The following CLYBL variants were observed in gnomAD, a reference collection of about 807,000 sequenced individuals.
CLYBL encodes the protein citramalyl-CoA lyase.
CLYBL carries 31 observed loss-of-function variants against 38.9 expected under a neutral mutation model. That is an observed-to-expected ratio of 0.80 (90% CI 0.60 to 1.08). The LOEUF (loss-of-function observed/expected upper bound fraction) is 1.08, where lower values mean the gene tolerates loss of function less well. CLYBL is among the 50% of genes least tolerant of loss of function. CLYBL has a pLI of 0.00. For missense variants in CLYBL, 434 were observed against 411.6 expected (o/e 1.05, Z -0.47); for synonymous variants, 171 against 158.6 (o/e 1.08, Z -0.59).
At chr13:99,684,438 G>A (rs1242214850) in intron 1 of CLYBL, among the ~76,000 whole-genome samples, 2 of 151,966 alleles carry the variant, frequency 1.3e-5, no homozygotes, top group Non-Finnish European at 2.9e-5. Flanking sequence ...AAAGTTATGT[G>A]GCGCATGACT....
chr13:99,809,142 C>T (rs2050289430), intron 2 of CLYBL, among the ~76,000 whole-genome samples: 3 of 152,176 alleles, frequency 2.0e-5, no homozygotes, highest in Non-Finnish European at 4.4e-5. Context: ...TCTATTTGGA[C>T]ATTTGCTAAA....
chr13:99,753,045 G>A (rs1202000608), intron 1 of CLYBL, among the ~76,000 whole-genome samples: 2 of 152,146 alleles, frequency 1.3e-5, no homozygotes, highest in African/African-American at 4.8e-5. Context: ...GGGCATGTAG[G>A]CTGAGCCTTG....
At chr13:99,690,390 T>C (rs2047882445) in intron 1 of CLYBL, 1 of 152,178 alleles carries the variant, frequency 6.6e-6, no homozygotes, top group Non-Finnish European at 1.5e-5. Flanking sequence ...GGTGTATGTT[T>C]TTCCTCTCTA....
downstream of CLYBL, chr13:99,894,293 C>T (rs769901458): frequency 1.3e-5 from 2 of 152,252 alleles, no homozygotes; most frequent in Non-Finnish European, 2.9e-5. Flanking sequence ...CTGGGCACCC[C>T]CGACACGGGG....
In CLYBL at chr13:99,872,462, G is replaced by A. The variant is rs539613305; in HGVS notation, c.927+1400G>A. 1.8e-3 allele frequency among the ~76,000 whole-genome samples: 272 copies of A among 152,196 alleles called. 1 individual carries two copies. The highest frequency in any genetic ancestry group is 1.6e-3 in the African/African-American group (68 of 41,524). ...CTATTCACCTAGAACGAAGAGCCAC[G>A]GACTCTCATTCACATGTCCATCCAT... On this transcript the variant is annotated intron_variant, in intron 7 of 8. Transcript: ENST00000339105.
chr13:99,770,400 C>G lies in CLYBL; in HGVS notation c.63-2424C>G, dbSNP rs572452580. Among the ~76,000 whole-genome samples, 203 of 152,344 alleles carry G rather than the reference C, an allele frequency of 1.3e-3. 1 individual carries two copies. Among genetic ancestry groups the G allele is most frequent in the African/African-American group, 4.7e-3 (195 of 41,594 alleles). ...TGGCGCAATCTTGGCTCACTGCAAG[C>G]TCCGCCTCCCGGGTTCACGCCATTC... On this transcript the variant is annotated intron_variant, in intron 1 of 8. Coordinates refer to ENST00000339105, the MANE Select transcript of CLYBL (RefSeq NM_206808.5).
chr13:99,802,800 C>G (rs2050160862), intron 2 of CLYBL, among the ~76,000 whole-genome samples: 1 of 152,180 alleles, frequency 6.6e-6, no homozygotes, highest in Non-Finnish European at 1.5e-5. Context: ...ATGAGGCCTT[C>G]CAGGACTACT....
At chr13:99,867,185 C>A (rs2051769146) in intron 6 of CLYBL, among the ~76,000 whole-genome samples, 1 of 152,190 alleles carries the variant, frequency 6.6e-6, no homozygotes, top group Non-Finnish European at 1.5e-5. Context: ...CAGTGCACTC[C>A]TTCACTCTTA....
rs551256710 is a variant in CLYBL at position 99,889,609 on chromosome 13, G to A, written c.928-1709G>A. On this transcript the variant is annotated intron_variant, in intron 7 of 8. Coordinates refer to ENST00000339105, the MANE Select transcript of CLYBL (RefSeq NM_206808.5). ...AGGTTTAGGCCACACAGGTGTTCAT[G>A]TGAGTAAGAGTCATCATTTCTAAGG... Among the ~76,000 whole-genome samples the A allele has an allele frequency of 2.0e-5, 3 of 152,336 alleles. No individual in the cohort carries two copies. The East Asian group carries it at 5.8e-4, about 29-fold the overall frequency.
intron 1 of CLYBL, among the ~76,000 whole-genome samples, chr13:99,743,966 C>CTTTTTTTTTTT (rs1162079530): frequency 1.0e-4 from 7 of 69,180 alleles, no homozygotes; most frequent in African/African-American, 3.0e-4. Flanking sequence ...TCTCTTCTTT[C>CTTTTTTTTTTT]TTTTTTTTTT....
intron 1 of CLYBL, among the ~76,000 whole-genome samples, chr13:99,722,482 C>T (rs1476642255): frequency 3.3e-5 from 5 of 151,904 alleles, no homozygotes; most frequent in Admixed American, 6.6e-5. Flanking sequence ...GGAGTGGGTC[C>T]GCATCAACTC....
rs182934553 is a variant in CLYBL at position 99,751,917 on chromosome 13, G to A, written c.63-20907G>A. Among the ~76,000 whole-genome samples, 6 of 152,282 alleles carry A rather than the reference G, an allele frequency of 3.9e-5. No homozygotes were observed. The East Asian group carries it at 1.2e-3, about 29-fold the overall frequency. On this transcript the variant is annotated intron_variant, in intron 1 of 8. Coordinates refer to ENST00000339105, the MANE Select transcript of CLYBL (RefSeq NM_206808.5). ...AGATCAGCTCAAGGTAGGAAACAAC[G>A]ATCTTAAAATGATTCATGGATTATT...
chr13:99,791,578 C>T (rs2138891412), intron 2 of CLYBL, among the ~76,000 whole-genome samples: 2 of 152,204 alleles, frequency 1.3e-5, no homozygotes, highest in Middle Eastern at 6.8e-3. Flanking sequence ...AAATTAATTC[C>T]ACATCTTTGT....
chr13:99,806,704 C>T (rs557614888), intron 2 of CLYBL, among the ~76,000 whole-genome samples: 15 of 152,276 alleles, frequency 9.9e-5, no homozygotes, highest in South Asian at 6.2e-4. Context: ...GAATATGCTC[C>T]GTAAAGATTA....
intron 2 of CLYBL, among the ~76,000 whole-genome samples, chr13:99,840,526 G>A (rs936772642): frequency 6.6e-6 from 1 of 151,998 alleles, no homozygotes; most frequent in East Asian, 1.9e-4. Flanking sequence ...GGGAGGTTGA[G>A]GCAGGGGAAT....
downstream of CLYBL, among the ~76,000 whole-genome samples, chr13:99,901,533 T>C (rs1225422447): frequency 6.6e-6 from 1 of 152,142 alleles, no homozygotes; most frequent in African/African-American, 2.4e-5. Context: ...CAGATAATAC[T>C]GTACTTTGGG....
At chr13:99,749,793 T>G (rs375756375) in intron 1 of CLYBL, among the ~76,000 whole-genome samples, 3 of 152,226 alleles carry the variant, frequency 2.0e-5, no homozygotes, top group African/African-American at 7.2e-5. Flanking sequence ...GCTGTTCTTT[T>G]GCTCCCGTGT....
At chr13:99,678,372 T>A (rs2047684811) in intron 1 of CLYBL, among the ~76,000 whole-genome samples, 1 of 152,200 alleles carries the variant, frequency 6.6e-6, no homozygotes, top group South Asian at 2.1e-4. Flanking sequence ...TCACTAGTTA[T>A]CTCCTAAGTG....
rs538061900 is a variant in CLYBL at position 99,629,161 on chromosome 13, G to A, written c.62+22404G>A. On this transcript the variant is annotated intron_variant, in intron 1 of 8. Transcript: ENST00000339105. ...TATGCATTGGAGGGTTCCCCAATGT[G>A]GGGACAGCGTCCAGGTTCTTGGCCT... 2.0e-5 allele frequency among the ~76,000 whole-genome samples: 3 copies of A among 152,328 alleles called. No individual in the cohort carries two copies. The East Asian group carries it at 5.8e-4, about 29-fold the overall frequency.
Sources: allele counts gnomAD v4.1 joint callset (sites outside exome capture counted in the v4.1 genomes callset), GRCh38; gene constraint gnomAD v4.1.1; transcripts MANE v1.5; gene names NCBI Gene and HGNC (gene_info 2026-07-23, HGNC 2026-07-21).